Variants in STRN4 observed in about 807,000 individuals in gnomAD.
STRN4 encodes striatin 4.
In STRN4, 27 loss-of-function variants were observed where a neutral mutation model predicts 77.9. The ratio of observed to expected loss-of-function variants is 0.35; its 90% CI spans 0.26 to 0.48. The LOEUF (loss-of-function observed/expected upper bound fraction) is 0.48. STRN4 is among the 20% of genes least tolerant of loss of function. The pLI is 0.99. For synonymous variants in STRN4, 466 were observed against 443.1 expected (o/e 1.05, Z -0.65); for missense variants, 798 against 1,049.7 (o/e 0.76, Z 3.31).
intron 4 of STRN4, chr19:46,736,023 CA>C (rs1289942886): frequency 2.6e-5 from 4 of 151,814 alleles, no homozygotes; most frequent in Admixed American, 2.6e-4. Context: ...CCTGTAATCC[CA>C]GCACTTTGGG....
At chr19:46,724,100 T>C (rs2054044744) in intron 12 of STRN4, among the ~76,000 whole-genome samples, 1 of 151,818 alleles carries the variant, frequency 6.6e-6, no homozygotes. Flanking sequence ...ATACAAAAAA[T>C]AGCTGGATAT....
intron 9 of STRN4, chr19:46,725,963 C>T (rs2054103359): frequency 6.3e-6 from 2 of 319,064 alleles, no homozygotes; most frequent in Admixed American, 9.0e-5. Flanking sequence ...GGATCATCAG[C>T]CATGAGCAGG....
intron 12 of STRN4, among the ~76,000 whole-genome samples, chr19:46,724,070 C>A (rs10416300): frequency 0.61 from 92,915 of 151,634 alleles, 29,072 homozygotes; most frequent in African/African-American, 0.74. Flanking sequence ...CAACGTGGTG[C>A]AACCCTGTCT....
chr19:46,742,994 C>G (rs1568407395), intron 1 of STRN4, among the ~76,000 whole-genome samples: 1 of 152,246 alleles, frequency 6.6e-6, no homozygotes, highest in Non-Finnish European at 1.5e-5. Context: ...TAAAAGTCCA[C>G]CAACCAGGGT....
intron 5 of STRN4, chr19:46,731,631 A>G (rs559508237): frequency 6.6e-6 from 1 of 152,464 alleles, no homozygotes; most frequent in East Asian, 1.9e-4. Context: ...CACGGCTGCC[A>G]TCACCAGAGC....
chr19:46,730,642 C>G, intron 6 of STRN4, 90 bp downstream of exon 6: 1 of 1,550,456 alleles, frequency 6.4e-7, no homozygotes, highest in East Asian at 2.3e-5. Flanking sequence ...CAGCACACAC[C>G]GCAGCCCCTG....
At chr19:46,732,808 G>A (rs1351885152) in intron 5 of STRN4, 3 of 549,834 alleles carry the variant, frequency 5.5e-6, no homozygotes, top group Admixed American at 3.4e-5. Flanking sequence ...ATCAGGACGG[G>A]GGCAGGGCTG....
chr19:46,729,481 A>T lies in STRN4; in HGVS notation c.880-704T>A, dbSNP rs529478031. On this transcript the variant is annotated intron_variant, in intron 6 of 17. Transcript: ENST00000263280. The stretch of plus-strand genomic sequence containing the variant: ...GGCACCAGTGAGGGGCCAGCCTCTG[A>T]CCTGCATGGGGGGGACCAGAGGGAA... 3.9e-5 allele frequency among the ~76,000 whole-genome samples: 6 copies of T among 152,204 alleles called. 1 individual carries two copies. In the South Asian group the frequency reaches 1.2e-3, roughly 32 times the overall value.
chr19:46,743,918 A>AAAAT lies in STRN4; in HGVS notation c.282+2227_282+2230dup, dbSNP rs201868012. Among the ~76,000 whole-genome samples, 1,019 of 151,778 alleles carry AAAAT rather than the reference A, an allele frequency of 6.7e-3. 15 individuals are homozygous for AAAAT. The highest frequency in any genetic ancestry group is 0.021 in the African/African-American group (885 of 41,324). On this transcript the variant is annotated intron_variant, in intron 1 of 17. Coordinates refer to ENST00000263280, the MANE Select transcript of STRN4 (RefSeq NM_013403.3). Reference sequence around the variant, plus strand: ...ACTCTGTCTCAAAAAAATAAAAATAAAAATAAATAAATAAATAAATAAATA... The same window carrying AAAAT: ...ACTCTGTCTCAAAAAAATAAAAATAAAAATAAATAAATAAATAAATAAATAAATA...
chr19:46,720,481 G>A, intron 17 of STRN4, 55 bp downstream of exon 17: 1 of 1,188,886 alleles, frequency 8.4e-7, no homozygotes. Flanking sequence ...CAGCACACCT[G>A]GCAGTACTAG....
chr19:46,727,664 G>C, intron 8 of STRN4, 118 bp from the exon 9 acceptor site: 1 of 858,282 alleles, frequency 1.2e-6, no homozygotes, highest in African/African-American at 1.7e-5. Context: ...AGAGAGAGAC[G>C]GGGAGAGGAC....
chr19:46,725,025 G>C, intron 11 of STRN4, 97 bp from the exon 12 acceptor site: 1 of 1,550,154 alleles, frequency 6.5e-7, no homozygotes. Flanking sequence ...TTCAAGGATG[G>C]CCAAAAGGAA....
chr19:46,720,629 A>C lies in STRN4; in HGVS notation c.2235T>G (p.Ala745=), dbSNP rs2053955081. 1 of 1,599,960 alleles carries C rather than the reference A, an allele frequency of 6.3e-7. No individual in the cohort carries two copies. The highest frequency in any genetic ancestry group is 1.7e-5 in the Admixed American group (1 of 58,826). Residue 745 remains alanine (A), a synonymous_variant, in exon 17 of 18, where the codon GCT becomes GCG. Transcript: ENST00000263280. The part of the protein sequence containing the change: ...PSKALIASAG[A]DALAKVFV ...ATACGAAGACCTTGGCCAGGGCATC[A>C]GCGCCAGCACTGGCAATGAGGGCCT...
chr19:46,734,569 T>C (rs1045984632), intron 4 of STRN4, among the ~76,000 whole-genome samples: 1 of 152,232 alleles, frequency 6.6e-6, no homozygotes, highest in Non-Finnish European at 1.5e-5. Context: ...AGACATTATA[T>C]GTTGGGTTTT....
At chr19:46,737,197 T>C (rs1470671754) in intron 3 of STRN4, among the ~76,000 whole-genome samples, 1 of 152,160 alleles carries the variant, frequency 6.6e-6, no homozygotes, top group Non-Finnish European at 1.5e-5. Context: ...GCCGACTGGG[T>C]TCAAGCCCAG....
chr19:46,745,923 T>A, intron 1 of STRN4: 5 of 339,294 alleles, frequency 1.5e-5, no homozygotes, highest in South Asian at 5.7e-5. Flanking sequence ...CCCCGGTCCC[T>A]CCACTCCCAC....
intron 1 of STRN4, among the ~76,000 whole-genome samples, chr19:46,743,081 A>G (rs1248454219): frequency 6.6e-6 from 1 of 152,232 alleles, no homozygotes; most frequent in African/African-American, 2.4e-5. Flanking sequence ...CTCTGTGCTG[A>G]TATGAAAGGA....
chr19:46,734,474 C>T (rs1419282555), intron 4 of STRN4, among the ~76,000 whole-genome samples: 1 of 152,174 alleles, frequency 6.6e-6, no homozygotes, highest in Non-Finnish European at 1.5e-5. Flanking sequence ...ATTTTTATCA[C>T]ACTGTCTATA....
chr19:46,736,552 C>CAA lies in STRN4; in HGVS notation c.539+269_539+270dup, dbSNP rs777686904. On this transcript the variant is annotated intron_variant, in intron 4 of 17. Coordinates refer to ENST00000263280, the MANE Select transcript of STRN4 (RefSeq NM_013403.3). ...CACAGGGCTCCTATGGCCACTGAGACAAAAAAAAAAAAAAAAAAAAAAGCC... is the reference window on the plus strand; with the variant it reads ...CACAGGGCTCCTATGGCCACTGAGACAAAAAAAAAAAAAAAAAAAAAAAAGCC... 1.9e-3 allele frequency: 92 copies of CAA among 48,984 alleles called. 4 individuals carry two copies. Among genetic ancestry groups the CAA allele is most frequent in the African/African-American group, 7.8e-3 (71 of 9,088 alleles). The allele number at this position is 48,984 out of a possible 1,614,324, so 3.0% of individuals were successfully genotyped here. A position where few individuals can be genotyped will look rare whatever the true frequency, so the allele number is the denominator to read the frequency against.
Sources: gnomAD v4.1 joint callset for allele counts (sites outside exome capture counted in the v4.1 genomes callset) on GRCh38, gnomAD v4.1.1 for gene constraint, MANE v1.5 for transcripts, NCBI Gene and HGNC (gene_info 2026-07-23, HGNC 2026-07-21) for gene names.